Variants in KIF11 observed in about 807,000 individuals in gnomAD.
KIF11 encodes the protein kinesin family member 11.
In KIF11, 9 loss-of-function variants were observed where a neutral mutation model predicts 121.0. That is an observed-to-expected ratio of 0.07 (90% CI 0.04 to 0.13). KIF11 has a LOEUF of 0.13. Among genes scored for constraint, KIF11 ranks in the 10% least tolerant of loss-of-function variants. The probability of loss-of-function intolerance (pLI) is 1.00; values close to 1 mark genes in which losing one functional copy is unlikely to be tolerated. For synonymous variants in KIF11, 408 were observed against 421.0 expected, an observed-to-expected ratio of 0.97 and a Z score of 0.38; for missense variants, 846 against 1,217.5, an observed-to-expected ratio of 0.69 and a Z score of 4.54.
chr10:92,650,424 T>C lies in KIF11; in HGVS notation c.2946T>C (p.Val982=). ...TIPDVDVEEA[V]LGQYTEEPLS... ...AGGATGTGGATGTAGAAGAGGCAGT[T>C]CTGGGGCAGTATACTGAAGAACCTC... The change falls in exon 21 of 22, where the codon GTT becomes GTC. Residue 982 remains valine, a synonymous_variant. Coordinates refer to ENST00000260731, the MANE Select transcript of KIF11 (RefSeq NM_004523.4). The C allele has an allele frequency of 6.2e-7, 1 of 1,611,446 alleles. No individual in the cohort carries two copies. Among genetic ancestry groups the C allele is most frequent in the South Asian group, 1.1e-5 (1 of 91,038 alleles).
chr10:92,604,046 C>G (rs2135899341), intron 1 of KIF11, among the ~76,000 whole-genome samples: 1 of 152,258 alleles, frequency 6.6e-6, no homozygotes, highest in South Asian at 2.1e-4. Context: ...TTTTAATCCT[C>G]AATCTCCCTT....
intron 8 of KIF11, among the ~76,000 whole-genome samples, chr10:92,614,152 G>A (rs942716454): frequency 2.0e-5 from 3 of 149,380 alleles, no homozygotes; most frequent in Non-Finnish European, 2.9e-5. Flanking sequence ...ACTGGAGTGC[G>A]ATGACGCGAT....
Position 92,653,890 on chromosome 10 carries a change from AAT to A in KIF11, c.*103_*104del. The A allele has an allele frequency of 8.5e-7, 1 of 1,174,524 alleles. No homozygotes were observed. The highest frequency in any genetic ancestry group is 1.2e-6 in the Non-Finnish European group (1 of 834,212). 72.8% of individuals were successfully genotyped at this position (1,174,524 alleles called of 1,614,324 possible). On this transcript the variant is annotated 3_prime_UTR_variant, in exon 22 of 22. Coordinates refer to ENST00000260731, the MANE Select transcript of KIF11 (RefSeq NM_004523.4). ...GAGCCTTGTGTATAGATTTTAAAAG[AAT>A]ATATATATCAGCCGGGCGCGGTGGC...
At position 92,644,321 on chromosome 10, in the gene KIF11, G is replaced by GT. The variant is rs1271260500; in HGVS notation, c.2268-1034dup. Reference sequence around the variant, plus strand: ...CCATTAAGTTGTGAGATTTTGTTTTGTTTTTTTTATTTGAGACAGAGTCTT... The same window carrying GT: ...CCATTAAGTTGTGAGATTTTGTTTTGTTTTTTTTTATTTGAGACAGAGTCTT... On this transcript the variant is annotated intron_variant, in intron 17 of 21. Coordinates refer to ENST00000260731, the MANE Select transcript of KIF11 (RefSeq NM_004523.4). Among the ~76,000 whole-genome samples the GT allele has an allele frequency of 1.3e-4, 19 of 151,624 alleles. No homozygotes were observed. In the East Asian group the frequency reaches 1.6e-3, roughly 12 times the overall value.
In KIF11 at chr10:92,633,636, T is replaced by C; in HGVS notation, c.1716T>C (p.Ser572=). Reference sequence around the variant, plus strand: ...TGTTTGTTATAGGTAATCTGCTGTCTTCCAGTGTCTCTGCATTAGATACCA... The same window carrying C: ...TGTTTGTTATAGGTAATCTGCTGTCCTCCAGTGTCTCTGCATTAGATACCA... The part of the protein sequence containing the change: ...VHKTLFGNLL[S]SSVSALDTIT... Residue 572 remains serine (S), a synonymous_variant, in exon 14 of 22, where the codon TCT becomes TCC. Transcript: ENST00000260731. 1.2e-6 allele frequency: 2 copies of C among 1,604,884 alleles called. No individual in the cohort carries two copies. Among genetic ancestry groups the C allele is most frequent in the Non-Finnish European group, 1.7e-6 (2 of 1,174,004 alleles).
intron 17 of KIF11, among the ~76,000 whole-genome samples, chr10:92,642,076 T>G (rs780383673): frequency 6.6e-6 from 1 of 152,172 alleles, no homozygotes; most frequent in Non-Finnish European, 1.5e-5. Flanking sequence ...GGAGCATTTT[T>G]TGATGGCTGC....
At chr10:92,617,476 G>A (rs772067591) in intron 9 of KIF11, among the ~76,000 whole-genome samples, 4 of 152,080 alleles carry the variant, frequency 2.6e-5, no homozygotes, top group Admixed American at 2.0e-4. Flanking sequence ...TAATGCCATT[G>A]TGAACATTTC....
intron 1 of KIF11, among the ~76,000 whole-genome samples, chr10:92,594,860 TG>T (rs1338146303): frequency 6.7e-6 from 1 of 148,916 alleles, no homozygotes; most frequent in Non-Finnish European, 1.5e-5. Context: ...CAATAATTTT[TG>T]TGTAAAGAGA....
In KIF11 at chr10:92,645,584, C is replaced by T; in HGVS notation, c.2489C>T (p.Ser830Phe). The T allele has an allele frequency of 6.2e-7, 1 of 1,612,840 alleles. No individual in the cohort carries two copies. Residue 830 changes from serine to phenylalanine, a missense_variant, in exon 18 of 22, where the codon TCT (serine) becomes TTT (phenylalanine). Ser to Phe is a radical substitution (Grantham distance 155). This residue lies in a region of KIF11 where 492 missense variants were observed against 603.4 expected (regional missense o/e 0.82). Transcript: ENST00000260731. ...ESLNTRTVYFSEQWVSSLNER... is the reference protein window; with the variant it reads ...ESLNTRTVYFFEQWVSSLNER... ...CTGAACACAAGAACAGTTTATTTTT[C>T]TGAACAGTGGGTATCTTCCTTAAAT...
rs1479654057 is a variant in KIF11 at position 92,634,108 on chromosome 10, C to T, written c.1875+313C>T. Among the ~76,000 whole-genome samples the T allele has an allele frequency of 4.6e-5, 7 of 152,014 alleles. No homozygotes were observed. In the East Asian group the frequency reaches 1.4e-3, roughly 29 times the overall value. On this transcript the variant is annotated intron_variant, in intron 14 of 21. Transcript: ENST00000260731. ...ATGCCATTCTCCTGCCTTAGCCTCC[C>T]GAGTAGCTGGGACTACAGGCGCCCA...
chr10:92,633,580 A>G, intron 13 of KIF11, 43 bp from the exon 14 acceptor site: 1 of 1,379,498 alleles, frequency 7.2e-7, no homozygotes, highest in Non-Finnish European at 1.0e-6. Context: ...TATTTAATAT[A>G]TTTATGTCAA....
rs552381017 is a variant in KIF11, at chr10:92,593,240, G to C, written c.-136G>C. Reference sequence around the variant, plus strand: ...GTAGAGAGCGGGGACGCCGACCTGCGTGCGTCGGTCCTCCAGGCCACGCCA... The same window carrying C: ...GTAGAGAGCGGGGACGCCGACCTGCCTGCGTCGGTCCTCCAGGCCACGCCA... On this transcript the variant is annotated 5_prime_UTR_variant, in exon 1 of 22. Coordinates refer to ENST00000260731, the MANE Select transcript of KIF11 (RefSeq NM_004523.4). The C allele has an allele frequency of 5.4e-4, 408 of 755,112 alleles. 3 individuals are homozygous for C. The African/African-American group carries it at 6.3e-3, about 12-fold the overall frequency. The allele number at this position is 755,112 out of a possible 1,614,324, so 46.8% of individuals were successfully genotyped here.
rs34357393 is a variant in KIF11 at position 92,648,108 on chromosome 10, C to CAAAAAAAAAAAAAAAAAAAAAAAAA, written c.2548-90_2548-89insAAAAAAAAAAAAAAAAAAAAAAAAA. The CAAAAAAAAAAAAAAAAAAAAAAAAA allele has an allele frequency of 1.0e-5, 7 of 685,484 alleles. No individual in the cohort carries two copies. In the African/African-American group the frequency reaches 1.2e-4, roughly 12 times the overall value. 42.5% of individuals were successfully genotyped at this position (685,484 alleles called of 1,614,324 possible). On this transcript the variant is annotated intron_variant, in intron 18 of 21. Transcript: ENST00000260731. Reference sequence around the variant, plus strand: ...TGGGCAACAGAGTGAGACTTGTCTCCAAAAAAAAAAAAAATTATGGAAAAG... The same window carrying CAAAAAAAAAAAAAAAAAAAAAAAAA: ...TGGGCAACAGAGTGAGACTTGTCTCCAAAAAAAAAAAAAAAAAAAAAAAAAAAAAAAAAAAAAAATTATGGAAAAG...
chr10:92,639,593 T>TAA (rs1009504398), intron 16 of KIF11, among the ~76,000 whole-genome samples: 1 of 143,910 alleles, frequency 6.9e-6, no homozygotes. Flanking sequence ...ACCCTGTCTC[T>TAA]AAAAAAAAAA....
At chr10:92,623,092 GA>G (rs1327455151) in intron 10 of KIF11, among the ~76,000 whole-genome samples, 1 of 152,152 alleles carries the variant, frequency 6.6e-6, no homozygotes, top group Non-Finnish European at 1.5e-5. Context: ...ACCATATCAA[GA>G]TGTGTATATA....
rs1844844314 is a variant in KIF11, at chr10:92,639,675, T to C, written c.2161-119T>C. Reference sequence around the variant, plus strand: ...AGAAAGGTAAAGTTAACTTTATCTCTTGTCAAGAATTTATATAATTCTCAC... The same window carrying C: ...AGAAAGGTAAAGTTAACTTTATCTCCTGTCAAGAATTTATATAATTCTCAC... On this transcript the variant is annotated intron_variant, in intron 16 of 21. Coordinates refer to ENST00000260731, the MANE Select transcript of KIF11 (RefSeq NM_004523.4). The C allele has an allele frequency of 8.4e-6, 5 of 598,484 alleles. No individual in the cohort carries two copies. In the East Asian group the frequency reaches 8.6e-5, roughly 10 times the overall value. The allele number at this position is 598,484 out of a possible 1,614,324, so 37.1% of individuals were successfully genotyped here.
chr10:92,619,696 ATC>A (rs1243908939), intron 9 of KIF11, among the ~76,000 whole-genome samples: 9 of 152,206 alleles, frequency 5.9e-5, no homozygotes, highest in South Asian at 2.1e-4. Context: ...GGTGATAGAT[ATC>A]TCATTGTGGT....
intron 3 of KIF11, 120 bp from the exon 4 acceptor site, chr10:92,607,039 A>C: frequency 1.5e-6 from 1 of 648,836 alleles, no homozygotes; most frequent in Non-Finnish European, 2.7e-6. Context: ...GGCCTCCCAA[A>C]GTGTTGGGAT....
intron 16 of KIF11, among the ~76,000 whole-genome samples, chr10:92,638,525 T>C (rs985693615): frequency 1.3e-5 from 2 of 152,206 alleles, no homozygotes; most frequent in African/African-American, 4.8e-5. Flanking sequence ...ATAAATTTGC[T>C]GTTTTGAAAT....
Sources: gnomAD v4.1 joint callset for allele counts (sites outside exome capture counted in the v4.1 genomes callset) on GRCh38, gnomAD v4.1.1 for gene constraint, gnomAD v4.1.1 regional missense constraint, MANE v1.5 for transcripts, NCBI Gene and HGNC (gene_info 2026-07-23, HGNC 2026-07-21) for gene names.